KCNH2: variants seen among roughly 807,000 people sequenced by gnomAD.
KCNH2 encodes the protein voltage-gated inwardly rectifying potassium channel KCNH2.
Under a neutral mutation model 95.9 loss-of-function variants are expected in KCNH2, and 35 were observed. That is an observed-to-expected ratio of 0.37 (90% CI 0.28 to 0.48). KCNH2 has a LOEUF of 0.48. KCNH2 is among the 20% of genes least tolerant of loss of function. The pLI, the probability that KCNH2 is intolerant of heterozygous loss-of-function variation, is 0.99. For missense variants in KCNH2, 1,274 were observed against 1,702.9 expected, an observed-to-expected ratio of 0.75 and a Z score of 4.43; for synonymous variants, 786 against 754.7, an observed-to-expected ratio of 1.04 and a Z score of -0.68.
rs1322012591 is a variant in KCNH2 at position 150,958,349 on chromosome 7, G to A, written c.626C>T (p.Ser209Leu). 1.3e-6 allele frequency: 2 copies of A among 1,488,420 alleles called. No homozygotes were observed. Among genetic ancestry groups the A allele is most frequent in the South Asian group, 1.3e-5 (1 of 79,216 alleles). The allele number at this position is 1,488,420 out of a possible 1,614,324, so 92.2% of individuals were successfully genotyped here. ...DLTPAAPSSE[S>L]LALDEVTAMD... is the part of the protein sequence containing the mutation. ...GGCTGTCACTTCGTCCAGGGCCAGC[G>A]ACTCGCTGCTGGGTGCCGCGGGCGT... The change falls in exon 4 of 15, where the codon TCG (serine) becomes TTG (leucine). Residue 209 changes from serine (S) to leucine (L), a missense_variant. By Grantham distance (145) the Ser-to-Leu change is moderately radical. Coordinates refer to ENST00000262186, the MANE Select transcript of KCNH2 (RefSeq NM_000238.4).
intron 9 of KCNH2, 21 bp downstream of exon 9, chr7:150,950,147 T>TGGGGGGGGGGGG: frequency 2.4e-5 from 20 of 842,934 alleles, no homozygotes; most frequent in Middle Eastern, 2.4e-4. Context: ...TCCAGTCCAG[T>TGGGGGGGGGGGG]GCCCGCCCCC....
Position 150,952,280 on chromosome 7 carries a change from C to A in KCNH2, c.1557+145G>T. 1 of 949,402 alleles carries A rather than the reference C, an allele frequency of 1.1e-6. No homozygotes were observed. The highest frequency in any genetic ancestry group is 1.6e-6 in the Non-Finnish European group (1 of 617,026). 58.8% of individuals were successfully genotyped at this position (949,402 alleles called of 1,614,324 possible). A position where few individuals can be genotyped will look rare whatever the true frequency, so the allele number is the denominator to read the frequency against. ...CCTTGCCTCTGCAGCTGCCTTGCCA[C>A]CATGTCTCTCTCCCACTGTCTTTCT... is the stretch of plus-strand genomic sequence containing the variant. On this transcript the variant is annotated intron_variant, in intron 6 of 14. Coordinates refer to ENST00000262186, the MANE Select transcript of KCNH2 (RefSeq NM_000238.4). This position sits in a 1 kb window ranked among gnomAD's most constrained non-coding sequence, Gnocchi z 7.3.
chr7:150,949,850 G>A (rs1801065570), intron 9 of KCNH2: 3 of 1,295,720 alleles, frequency 2.3e-6, no homozygotes, highest in African/African-American at 3.0e-5. Context: ...GAGCTTCCAG[G>A]CTAGCATTTC....
At chr7:150,957,595 C>G (rs532549694) in intron 4 of KCNH2, 93 bp from the exon 5 acceptor site, 2 of 901,456 alleles carry the variant, frequency 2.2e-6, no homozygotes, top group African/African-American at 3.3e-5. Flanking sequence ...AGGCCCTGCA[C>G]AGTCAGGAGT....
chr7:150,952,357 C>T lies in KCNH2; in HGVS notation c.1557+68G>A. ...CTGTCCTCCTCGCCACCCCCTCCAC[C>T]CCACTACCTCCCACCACATTCCTGG... On this transcript the variant is annotated intron_variant, in intron 6 of 14. Coordinates refer to ENST00000262186, the MANE Select transcript of KCNH2 (RefSeq NM_000238.4). This position sits in a 1 kb window ranked among gnomAD's most constrained non-coding sequence, Gnocchi z 7.3. The T allele has an allele frequency of 6.7e-7, 1 of 1,483,050 alleles. No homozygotes were observed. The highest frequency in any genetic ancestry group is 1.9e-5 in the Admixed American group (1 of 53,742). 91.9% of individuals were successfully genotyped at this position (1,483,050 alleles called of 1,614,324 possible).
chr7:150,976,021 G>A (rs112577160), intron 1 of KCNH2, among the ~76,000 whole-genome samples: 23 of 152,252 alleles, frequency 1.5e-4, no homozygotes, highest in African/African-American at 2.4e-4. Flanking sequence ...CCAGGCTGGC[G>A]AGTGAGCAGC....
chr7:150,965,577 T>C (rs534378019), intron 2 of KCNH2, among the ~76,000 whole-genome samples: 8 of 152,176 alleles, frequency 5.3e-5, no homozygotes, highest in East Asian at 1.9e-4. Context: ...CTGCTCCCCA[T>C]GGCCCCCACC....
Position 150,952,935 on chromosome 7 carries a change from C to A in KCNH2, c.1129-82G>T. ...GGAGCGATGACATCTCTGCCGGGGC[C>A]AAGCAGAATGAGGAGGAGGCCAAAA... On this transcript the variant is annotated intron_variant, in intron 5 of 14. Coordinates refer to ENST00000262186, the MANE Select transcript of KCNH2 (RefSeq NM_000238.4). The surrounding 1 kb of genome is among the most constrained non-coding windows in gnomAD (Gnocchi z 7.3). The A allele has an allele frequency of 1.4e-6, 2 of 1,385,668 alleles. No individual in the cohort carries two copies. The highest frequency in any genetic ancestry group is 2.0e-6 in the Non-Finnish European group (2 of 997,144). 85.8% of individuals were successfully genotyped at this position (1,385,668 alleles called of 1,614,324 possible). A position where few individuals can be genotyped will look rare whatever the true frequency, so the allele number is the denominator to read the frequency against.
chr7:150,958,033 C>A (rs1050841191), intron 4 of KCNH2, 26 bp downstream of exon 4: 6 of 1,265,638 alleles, frequency 4.7e-6, no homozygotes, highest in Non-Finnish European at 5.9e-6. Context: ...TGGGCTGGGG[C>A]GGAACGGGTC....
rs750330550 is a variant in KCNH2 at position 150,947,591 on chromosome 7, C to T, written c.2965+15G>A. 18 of 1,611,368 alleles carry T rather than the reference C, an allele frequency of 1.1e-5. No homozygotes were observed. The highest frequency in any genetic ancestry group is 3.3e-5 in the Admixed American group (2 of 59,812). Reference sequence around the variant, plus strand: ...CACGCCCGGTCCTCCCTCGCCCGCCCGTCGCCCGGGATACCTGACAGGGGG... The same window carrying T: ...CACGCCCGGTCCTCCCTCGCCCGCCTGTCGCCCGGGATACCTGACAGGGGG... On this transcript the variant is annotated intron_variant, in intron 12 of 14. Transcript: ENST00000262186.
chr7:150,946,837 G>GCGGGTCA lies in KCNH2; in HGVS notation c.3330+33_3330+39dup, dbSNP rs1462741931. 2 of 1,561,170 alleles carry GCGGGTCA rather than the reference G, an allele frequency of 1.3e-6. No homozygotes were observed. Among genetic ancestry groups the GCGGGTCA allele is most frequent in the Non-Finnish European group, 1.7e-6 (2 of 1,143,832 alleles). ...GGTTTGGGCTGGAATCGGGGAACAA[G>GCGGGTCA]CGGGTCACGGTACATCGAGGAAGCA... On this transcript the variant is annotated intron_variant, in intron 14 of 14. Coordinates refer to ENST00000262186, the MANE Select transcript of KCNH2 (RefSeq NM_000238.4). This position sits in a 1 kb window ranked among gnomAD's most constrained non-coding sequence, Gnocchi z 6.5.
rs1471179949 is a variant in KCNH2 at position 150,947,697 on chromosome 7, G to T, written c.2874C>A (p.Phe958Leu). Residue 958 changes from phenylalanine (F) to leucine (L), a missense_variant, in exon 12 of 15, where the codon TTC (phenylalanine) becomes TTA (leucine). Phe to Leu is a conservative substitution (Grantham distance 22). Around this residue, in one of 7 missense-constraint regions of KCNH2, gnomAD observed 457 missense variants for 416.1 expected, o/e 1.10. Transcript: ENST00000262186. The part of the protein sequence containing the change: ...RSSSPLRLVP[F>L]SSPRPPGEPP... The stretch of plus-strand genomic sequence containing the variant: ...GCTCTCCGGGGGGCCTGGGGCTGGA[G>T]AAGGGCACCAGGCGGAGGGGGCTGG... 2 of 1,595,290 alleles carry T rather than the reference G, an allele frequency of 1.3e-6. No homozygotes were observed. The highest frequency in any genetic ancestry group is 1.1e-5 in the South Asian group (1 of 88,686).
rs1044296869 is a variant in KCNH2 at position 150,961,985 on chromosome 7, C to T, written c.308-2249G>A. On this transcript the variant is annotated intron_variant, in intron 2 of 14. Transcript: ENST00000262186. The surrounding 1 kb of genome is among the most constrained non-coding windows in gnomAD (Gnocchi z 6.2). ...TCCGCCCCACCCCACAGCTCTTCCA[C>T]TCACCACATCCCAGACCCTCACAGC... Among the ~76,000 whole-genome samples the T allele has an allele frequency of 3.3e-5, 5 of 152,236 alleles. No individual in the cohort carries two copies. The highest frequency in any genetic ancestry group is 3.3e-4 in the Admixed American group (5 of 15,292).
rs201873431 is a variant in KCNH2, at chr7:150,950,152, G to A, written c.2398+16C>T. On this transcript the variant is annotated intron_variant, in intron 9 of 14. Transcript: ENST00000262186. ...AGAGGGCATTTCCAGTCCAGTGCCC[G>A]CCCCCCACCCCATACCCAGGATGGC... 1.2e-4 allele frequency: 193 copies of A among 1,580,604 alleles called. 1 individual carries two copies. Among genetic ancestry groups the A allele is most frequent in the African/African-American group, 6.3e-4 (43 of 68,246 alleles).
intron 8 of KCNH2, 58 bp from the exon 9 acceptor site, chr7:150,950,478 C>T (rs1460483010): frequency 6.9e-6 from 11 of 1,591,314 alleles, no homozygotes; most frequent in Middle Eastern, 4.5e-4. Context: ...CCAACCCACA[C>T]TCTACTCCAC....
intron 9 of KCNH2, 31 bp from the exon 10 acceptor site, chr7:150,949,080 G>A (rs1584848201): frequency 6.3e-7 from 1 of 1,595,710 alleles, no homozygotes; most frequent in African/African-American, 1.3e-5. Context: ...AGGGAGCTCA[G>A]CCCCGGGGGG....
chr7:150,963,524 G>T (rs531073805), intron 2 of KCNH2, among the ~76,000 whole-genome samples: 1 of 152,244 alleles, frequency 6.6e-6, no homozygotes, highest in South Asian at 2.1e-4. Flanking sequence ...AGGCCCCAGG[G>T]CCAGCCTGGC....
At chr7:150,965,697 A>G (rs1489678471) in intron 2 of KCNH2, among the ~76,000 whole-genome samples, 2 of 152,076 alleles carry the variant, frequency 1.3e-5, no homozygotes, top group Non-Finnish European at 2.9e-5. Context: ...TTGTCCAAAC[A>G]ATGCCCATCG....
At chr7:150,977,126 G>T (rs957515409) in intron 1 of KCNH2, among the ~76,000 whole-genome samples, 5 of 152,060 alleles carry the variant, frequency 3.3e-5, no homozygotes, top group African/African-American at 1.2e-4. Context: ...TGTACTCCCG[G>T]TCCCCATAAG....
Sources: gnomAD v4.1 joint callset for allele counts (sites outside exome capture counted in the v4.1 genomes callset) on GRCh38, gnomAD v4.1.1 for gene constraint, gnomAD v4.1.1 regional missense constraint, Gnocchi (gnomAD v3.1) non-coding constraint, MANE v1.5 for transcripts, NCBI Gene and HGNC (gene_info 2026-07-23, HGNC 2026-07-21) for gene names.